LRRC69: variants seen among roughly 807,000 people sequenced by gnomAD.
LRRC69 encodes the protein leucine rich repeat containing 69.
In LRRC69, 42 loss-of-function variants were observed where a neutral mutation model predicts 37.8. That is an observed-to-expected ratio of 1.11 (90% CI 0.87 to 1.44). The LOEUF (loss-of-function observed/expected upper bound fraction) is 1.44, where lower values mean the gene tolerates loss of function less well. LRRC69 is among the 40% of genes most tolerant of loss of function. The probability of loss-of-function intolerance (pLI) is 0.00; values close to 1 mark genes in which losing one functional copy is unlikely to be tolerated. For missense variants in LRRC69, 357 were observed against 401.9 expected, an observed-to-expected ratio of 0.89 and a Z score of 0.96; for synonymous variants, 141 against 143.1, an observed-to-expected ratio of 0.99 and a Z score of 0.11.
At chr8:91,126,467 A>G (rs1232596419) in intron 2 of LRRC69, among the ~76,000 whole-genome samples, 1 of 151,984 alleles carries the variant, frequency 6.6e-6, no homozygotes, top group African/African-American at 2.4e-5. Flanking sequence ...GGCTCTTTTT[A>G]AAAATCTGTT....
intron 6 of LRRC69, among the ~76,000 whole-genome samples, chr8:91,195,939 C>T (rs1021672158): frequency 3.3e-5 from 5 of 152,114 alleles, no homozygotes; most frequent in Non-Finnish European, 5.9e-5. Context: ...CTTCCTAGTC[C>T]TGATGGTCTT....
intron 1 of LRRC69, among the ~76,000 whole-genome samples, chr8:91,121,964 T>A (rs1171947426): frequency 6.6e-6 from 1 of 152,100 alleles, no homozygotes; most frequent in Admixed American, 6.6e-5. Flanking sequence ...TTGATTATAA[T>A]CTGTGATTTC....
intron 1 of LRRC69, among the ~76,000 whole-genome samples, chr8:91,117,542 G>A (rs907288734): frequency 5.5e-5 from 8 of 144,782 alleles, no homozygotes; most frequent in Admixed American, 1.4e-4. Flanking sequence ...CTTAGAAGCC[G>A]AAACTAACAA....
At chr8:91,146,202 ATTC>A (rs1044519354) in intron 5 of LRRC69, among the ~76,000 whole-genome samples, 2 of 151,676 alleles carry the variant, frequency 1.3e-5, no homozygotes, top group African/African-American at 4.8e-5. Context: ...TGGAAATTTT[ATTC>A]TTCTAACCAA....
chr8:91,160,013 A>G (rs779735265), intron 5 of LRRC69, among the ~76,000 whole-genome samples: 10 of 151,246 alleles, frequency 6.6e-5, no homozygotes, highest in Non-Finnish European at 1.3e-4. Flanking sequence ...CTTCCAATCC[A>G]TGAACATGAG....
intron 7 of LRRC69, among the ~76,000 whole-genome samples, chr8:91,207,951 T>A (rs1388671246): frequency 6.6e-6 from 1 of 152,204 alleles, no homozygotes; most frequent in Non-Finnish European, 1.5e-5. Context: ...CAGGAGGGGT[T>A]GGCTTCTCCT....
chr8:91,161,826 A>T (rs1808950610), intron 5 of LRRC69, among the ~76,000 whole-genome samples: 1 of 151,106 alleles, frequency 6.6e-6, no homozygotes, highest in Non-Finnish European at 1.5e-5. Flanking sequence ...TTGCTTTTCT[A>T]GATCCTTGAG....
At chr8:91,216,636 T>A (rs1349308245) in intron 7 of LRRC69, among the ~76,000 whole-genome samples, 1 of 152,140 alleles carries the variant, frequency 6.6e-6, no homozygotes, top group Non-Finnish European at 1.5e-5. Context: ...TTGTCTAGTA[T>A]ATGGAAAAGG....
chr8:91,176,132 A>ATTT (rs1331458493), intron 5 of LRRC69, among the ~76,000 whole-genome samples: 82 of 15,186 alleles, frequency 5.4e-3, no homozygotes, highest in African/African-American at 0.014. Flanking sequence ...ATATATATAT[A>ATTT]TATTTTTTTT....
intron 5 of LRRC69, among the ~76,000 whole-genome samples, chr8:91,137,679 T>G (rs576707600): frequency 6.6e-6 from 1 of 152,030 alleles, no homozygotes; most frequent in East Asian, 1.9e-4. Context: ...AGTACCTATT[T>G]CAGGAATTTC....
intron 5 of LRRC69, among the ~76,000 whole-genome samples, chr8:91,136,173 C>T (rs1808415757): frequency 6.6e-6 from 1 of 151,784 alleles, no homozygotes; most frequent in Admixed American, 6.6e-5. Flanking sequence ...GAATTTTGAC[C>T]TCATTTTATT....
At chr8:91,127,572 TA>T (rs1210683676) in intron 3 of LRRC69, among the ~76,000 whole-genome samples, 1 of 126,326 alleles carries the variant, frequency 7.9e-6, no homozygotes, top group Non-Finnish European at 1.6e-5. Context: ...TTTTCGTTTT[TA>T]AAAACCCCAC....
chr8:91,150,824 G>T (rs1333696575), intron 5 of LRRC69, among the ~76,000 whole-genome samples: 5 of 151,938 alleles, frequency 3.3e-5, no homozygotes, highest in South Asian at 2.1e-4. Flanking sequence ...GAGAGTGTAT[G>T]TGTCGAGGAA....
chr8:91,158,186 T>A (rs1808870551), intron 5 of LRRC69: 1 of 1,604,318 alleles, frequency 6.2e-7, no homozygotes, highest in African/African-American at 1.3e-5. Flanking sequence ...AACAGAGGAT[T>A]CTGCTTGTAT....
intron 5 of LRRC69, chr8:91,157,157 T>C: frequency 1.4e-6 from 1 of 714,356 alleles, no homozygotes; most frequent in Non-Finnish European, 2.5e-6. Flanking sequence ...GTGAAGAGTG[T>C]CATTGGTATT....
At chr8:91,175,675 G>C (rs1348487117) in intron 5 of LRRC69, among the ~76,000 whole-genome samples, 1 of 151,988 alleles carries the variant, frequency 6.6e-6, no homozygotes, top group African/African-American at 2.4e-5. Flanking sequence ...GTCTCTGGGT[G>C]GGTGGTTGCA....
chr8:91,126,226 C>T (rs532838638), intron 2 of LRRC69, among the ~76,000 whole-genome samples: 1 of 152,048 alleles, frequency 6.6e-6, no homozygotes, highest in African/African-American at 2.4e-5. Flanking sequence ...GAGTTGGGTC[C>T]CAAGCTAAGC....
chr8:91,139,415 G>A (rs576102242), intron 5 of LRRC69, among the ~76,000 whole-genome samples: 4 of 151,968 alleles, frequency 2.6e-5, no homozygotes, highest in Non-Finnish European at 4.4e-5. Context: ...GGTGGCGGGT[G>A]CCTGCAGTCC....
intron 6 of LRRC69, among the ~76,000 whole-genome samples, chr8:91,194,480 ACT>A (rs1809558885): frequency 6.6e-6 from 1 of 151,434 alleles, no homozygotes; most frequent in Non-Finnish European, 1.5e-5. Context: ...CTGGTCCTGG[ACT>A]CTTTTTGGTT....
Sources: gnomAD v4.1 joint callset for allele counts (sites outside exome capture counted in the v4.1 genomes callset) on GRCh38, gnomAD v4.1.1 for gene constraint, MANE v1.5 for transcripts, NCBI Gene and HGNC (gene_info 2026-07-23, HGNC 2026-07-21) for gene names.